Variants in PTPRD observed in about 807,000 individuals in gnomAD.
PTPRD encodes receptor-type tyrosine-protein phosphatase delta.
A neutral mutation model predicts 214.5 loss-of-function variants in PTPRD; 34 were observed. The observed-to-expected ratio is 0.16, with a 90% CI of 0.12 to 0.21. PTPRD has a LOEUF of 0.21. Among genes scored for constraint, PTPRD ranks in the 10% least tolerant of loss-of-function variants. The probability of loss-of-function intolerance (pLI) is 1.00; values close to 1 mark genes in which losing one functional copy is unlikely to be tolerated. For synonymous variants in PTPRD, 1,128 were observed against 845.7 expected (o/e 1.33, Z -5.79); for missense variants, 2,545 against 2,398.7 (o/e 1.06, Z -1.27).
At chr9:8,766,934 G>C (rs1306357713) in intron 11 of PTPRD, among the ~76,000 whole-genome samples, 1 of 152,106 alleles carries the variant, frequency 6.6e-6, no homozygotes, top group African/African-American at 2.4e-5. Flanking sequence ...TAAGGTCATA[G>C]TTTTCAAGAA....
At chr9:8,544,889 C>CTTTTTTTT (rs869280997) in intron 14 of PTPRD, among the ~76,000 whole-genome samples, 1 of 118,698 alleles carries the variant, frequency 8.4e-6, no homozygotes, top group Admixed American at 8.7e-5. Context: ...AAAGACAGTC[C>CTTTTTTTT]TTTTTTTTTT....
intron 5 of PTPRD, among the ~76,000 whole-genome samples, chr9:9,923,089 G>C (rs1201123247): frequency 6.7e-6 from 1 of 148,152 alleles, no homozygotes; most frequent in Non-Finnish European, 1.5e-5. Flanking sequence ...AACGTAAAAT[G>C]ACTAAGGAAA....
chr9:9,857,858 G>A (rs1237542269), intron 5 of PTPRD, among the ~76,000 whole-genome samples: 1 of 152,108 alleles, frequency 6.6e-6, no homozygotes. Flanking sequence ...TCTGGTTGAA[G>A]AAAGAGAACA....
rs527887376 is a variant in PTPRD at position 9,294,656 on chromosome 9, G to A, written c.-203+102793C>T. On this transcript the variant is annotated intron_variant, in intron 9 of 45. Transcript: ENST00000381196. ...GTTAACTCATACCAAGATGGAGGCC[G>A]TCTATCAGCCAAGAGACATGGCCTT... Among the ~76,000 whole-genome samples the A allele has an allele frequency of 2.0e-4, 31 of 151,650 alleles. No homozygotes were observed. In the South Asian group the frequency reaches 2.9e-3, roughly 14 times the overall value.
intron 14 of PTPRD, among the ~76,000 whole-genome samples, chr9:8,571,557 T>C (rs1260164761): frequency 6.6e-6 from 1 of 152,188 alleles, no homozygotes; most frequent in Non-Finnish European, 1.5e-5. Context: ...TCAATGGTTT[T>C]CTTCACAAAC....
At chr9:9,698,885 T>A (rs1163268526) in intron 7 of PTPRD, among the ~76,000 whole-genome samples, 1 of 152,132 alleles carries the variant, frequency 6.6e-6, no homozygotes, top group Non-Finnish European at 1.5e-5. Flanking sequence ...GCATGGAGTT[T>A]TTACTTCTCT....
At chr9:9,924,471 A>C (rs2153890063) in intron 5 of PTPRD, among the ~76,000 whole-genome samples, 1 of 152,178 alleles carries the variant, frequency 6.6e-6, no homozygotes, top group South Asian at 2.1e-4. Context: ...AAATAAAAGC[A>C]AATTTTAAAG....
rs186344657 is a variant in PTPRD at position 8,802,007 on chromosome 9, A to G, written c.-103-68061T>C. Among the ~76,000 whole-genome samples the G allele has an allele frequency of 1.6e-4, 24 of 152,312 alleles. No homozygotes were observed. The East Asian group carries it at 4.1e-3, about 26-fold the overall frequency. On this transcript the variant is annotated intron_variant, in intron 11 of 45. Transcript: ENST00000381196. The stretch of plus-strand genomic sequence containing the variant: ...AATGAGGTAAGGGTAAAGATTTTGA[A>G]AATCCTAAAATATTATTTATTATCG...
intron 9 of PTPRD, among the ~76,000 whole-genome samples, chr9:9,352,942 C>A (rs1337806373): frequency 1.3e-5 from 2 of 152,004 alleles, no homozygotes; most frequent in African/African-American, 4.8e-5. Flanking sequence ...CTAATGGATA[C>A]AAAAGAGAAA....
intron 11 of PTPRD, among the ~76,000 whole-genome samples, chr9:8,864,992 C>T (rs1586890594): frequency 6.6e-6 from 1 of 152,122 alleles, no homozygotes; most frequent in Non-Finnish European, 1.5e-5. Flanking sequence ...TTTTCTCTGT[C>T]TTCTCAATGA....
chr9:8,644,569 G>T (rs564550217), intron 12 of PTPRD, among the ~76,000 whole-genome samples: 1 of 152,344 alleles, frequency 6.6e-6, no homozygotes, highest in East Asian at 1.9e-4. Context: ...AGACCTGGGA[G>T]CTCCCCAAGC....
chr9:9,249,188 A>G (rs539556092), intron 9 of PTPRD, among the ~76,000 whole-genome samples: 7 of 151,790 alleles, frequency 4.6e-5, no homozygotes, highest in Non-Finnish European at 8.8e-5. Context: ...AGAGTCCAGC[A>G]TCTTCTCCTT....
At chr9:9,804,445 G>C (rs1474672742) in intron 5 of PTPRD, among the ~76,000 whole-genome samples, 1 of 152,060 alleles carries the variant, frequency 6.6e-6, no homozygotes. Context: ...ATTTATGAAT[G>C]TGTTCTAAAA....
intron 2 of PTPRD, among the ~76,000 whole-genome samples, chr9:10,543,512 A>G (rs2059590907): frequency 6.6e-6 from 1 of 151,766 alleles, no homozygotes; most frequent in African/African-American, 2.4e-5. Flanking sequence ...ACACAAACAC[A>G]CACACACGTA....
At chr9:9,235,302 G>A (rs2099965874) in intron 9 of PTPRD, among the ~76,000 whole-genome samples, 1 of 152,080 alleles carries the variant, frequency 6.6e-6, no homozygotes, top group Non-Finnish European at 1.5e-5. Flanking sequence ...GTGGATTATG[G>A]GAACTACGAT....
intron 11 of PTPRD, among the ~76,000 whole-genome samples, chr9:8,949,231 G>GA (rs1015007282): frequency 6.8e-6 from 1 of 146,888 alleles, no homozygotes; most frequent in African/African-American, 2.5e-5. Flanking sequence ...CTCAAAAAAA[G>GA]AAAAAAAAGA....
chr9:9,956,729 G>C lies in PTPRD; in HGVS notation c.-471-18119C>G, dbSNP rs188155967. ...ATGGCCCATAGGAGCTAGTTACCTA[G>C]TAATAGAGACAGATCAATGTATTAG... On this transcript the variant is annotated intron_variant, in intron 4 of 45. Coordinates refer to ENST00000381196, the MANE Select transcript of PTPRD (RefSeq NM_002839.4). Among the ~76,000 whole-genome samples the C allele has an allele frequency of 6.6e-5, 10 of 152,234 alleles. No individual in the cohort carries two copies. The East Asian group carries it at 1.4e-3, about 21-fold the overall frequency.
Position 9,354,002 on chromosome 9 carries a change from G to C in PTPRD, c.-203+43447C>G, listed in dbSNP as rs369966938. Among the ~76,000 whole-genome samples, 13 of 151,776 alleles carry C rather than the reference G, an allele frequency of 8.6e-5. No individual in the cohort carries two copies. In the East Asian group the frequency reaches 2.0e-3, roughly 23 times the overall value. On this transcript the variant is annotated intron_variant, in intron 9 of 45. Coordinates refer to ENST00000381196, the MANE Select transcript of PTPRD (RefSeq NM_002839.4). Reference sequence around the variant, plus strand: ...CGGTCACTCTTTCTTTCTCGATTTTGGCTAGGGGTCACTCTTAGCTCCTAG... The same window carrying C: ...CGGTCACTCTTTCTTTCTCGATTTTCGCTAGGGGTCACTCTTAGCTCCTAG...
At chr9:8,959,550 C>G (rs2099148355) in intron 11 of PTPRD, among the ~76,000 whole-genome samples, 1 of 151,838 alleles carries the variant, frequency 6.6e-6, no homozygotes, top group South Asian at 2.1e-4. Context: ...GGGCTTCATC[C>G]AAAGTCTTGA....
Sources: gnomAD v4.1 joint callset for allele counts (sites outside exome capture counted in the v4.1 genomes callset) on GRCh38, gnomAD v4.1.1 for gene constraint, MANE v1.5 for transcripts, NCBI Gene and HGNC (gene_info 2026-07-23, HGNC 2026-07-21) for gene names.